The following SRGAP2 variants were observed in gnomAD, a reference collection of about 807,000 sequenced individuals.
SRGAP2 encodes the protein SLIT-ROBO Rho GTPase-activating protein 2.
A neutral mutation model predicts 57.2 loss-of-function variants in SRGAP2; 15 were observed. The observed-to-expected ratio is 0.26, with a 90% CI of 0.18 to 0.40. SRGAP2 has a LOEUF of 0.40. Among genes scored for constraint, SRGAP2 ranks in the 10% least tolerant of loss-of-function variants. The probability of loss-of-function intolerance (pLI) is 1.00; values close to 1 mark genes in which losing one functional copy is unlikely to be tolerated. For missense variants in SRGAP2, 520 were observed against 669.6 expected, an observed-to-expected ratio of 0.78 and a Z score of 2.47; for synonymous variants, 249 against 248.0, an observed-to-expected ratio of 1.00 and a Z score of -0.04.
At chr1:206,418,888 C>CTCTCTG (rs1553363092) in intron 11 of SRGAP2, among the ~76,000 whole-genome samples, 368 of 136,636 alleles carry the variant, frequency 2.7e-3, no homozygotes, top group Non-Finnish European at 4.5e-3. Flanking sequence ...CCAACTCTCT[C>CTCTCTG]TGTGTGTGTG....
chr1:206,384,408 A>G (rs1320376308), intron 5 of SRGAP2, among the ~76,000 whole-genome samples: 7 of 151,728 alleles, frequency 4.6e-5, no homozygotes, highest in African/African-American at 1.5e-4. Flanking sequence ...AACTAATGGC[A>G]AGGAACGTAG....
chr1:206,260,416 A>G (rs1331441621), intron 2 of SRGAP2, among the ~76,000 whole-genome samples: 18 of 152,214 alleles, frequency 1.2e-4, no homozygotes, highest in South Asian at 6.2e-4. Flanking sequence ...GTTGACGAGT[A>G]TTATTTCCAC....
At chr1:206,261,600 TTA>T (rs1411305796) in intron 2 of SRGAP2, among the ~76,000 whole-genome samples, 1 of 150,554 alleles carries the variant, frequency 6.6e-6, no homozygotes, top group Non-Finnish European at 1.5e-5. Flanking sequence ...ATGGTGTTTC[TTA>T]TTTACAAGGC....
rs1342053299 is a variant in SRGAP2 at position 206,364,339 on chromosome 1, G to C, written c.424-19675G>C. 1.3e-4 allele frequency among the ~76,000 whole-genome samples: 12 copies of C among 95,026 alleles called. No individual in the cohort carries two copies. In the East Asian group the frequency reaches 3.3e-3, roughly 26 times the overall value. 62.3% of individuals were successfully genotyped at this position (95,026 alleles called of 152,430 possible). ...TTTTTTGAGATGGAGTTTTGCTCTTGTTGCCCAGGCTGGAGTGCAGTGCGC... is the reference window on the plus strand; with the variant it reads ...TTTTTTGAGATGGAGTTTTGCTCTTCTTGCCCAGGCTGGAGTGCAGTGCGC... On this transcript the variant is annotated intron_variant, in intron 4 of 22. Transcript: ENST00000573034.
intron 2 of SRGAP2, among the ~76,000 whole-genome samples, chr1:206,225,333 G>T (rs1158908331): frequency 1.3e-5 from 2 of 150,356 alleles, no homozygotes; most frequent in Non-Finnish European, 2.9e-5. Flanking sequence ...GTAATCAAGA[G>T]ATACCACTAA....
chr1:206,421,106 T>C, intron 12 of SRGAP2, 144 bp from the exon 13 acceptor site: 1 of 533,440 alleles, frequency 1.9e-6, no homozygotes, highest in Non-Finnish European at 3.4e-6. Context: ...ACATGTTTCA[T>C]TGGCTACCAC....
At chr1:206,341,008 A>C (rs1553335047) in intron 3 of SRGAP2, among the ~76,000 whole-genome samples, 1 of 152,220 alleles carries the variant, frequency 6.6e-6, no homozygotes, top group Non-Finnish European at 1.5e-5. Flanking sequence ...TGGTACCTGG[A>C]TATAGGTTTA....
At chr1:206,357,148 A>G (rs1274588773) in intron 4 of SRGAP2, among the ~76,000 whole-genome samples, 1 of 146,008 alleles carries the variant, frequency 6.8e-6, no homozygotes, top group Non-Finnish European at 1.5e-5. Flanking sequence ...TCTATTTTTT[A>G]TTTCAGTTTT....
chr1:206,268,669 T>C (rs1370553288), intron 2 of SRGAP2, among the ~76,000 whole-genome samples: 5 of 143,864 alleles, frequency 3.5e-5, no homozygotes, highest in Non-Finnish European at 6.1e-5. Context: ...ACAAACCAGA[T>C]AGTAGGAGAG....
chr1:206,283,193 A>G (rs1419616080), intron 2 of SRGAP2, among the ~76,000 whole-genome samples: 1 of 151,878 alleles, frequency 6.6e-6, no homozygotes, highest in Non-Finnish European at 1.5e-5. Flanking sequence ...CAATTTCTGT[A>G]TACTCCTACA....
intron 4 of SRGAP2, among the ~76,000 whole-genome samples, chr1:206,359,796 C>CCCTTTTTTTTTTTTTTTTTTTTTTTTTTT (rs1558345475): frequency 9.6e-6 from 1 of 103,664 alleles, no homozygotes; most frequent in African/African-American, 4.7e-5. Context: ...AGGGATATTG[C>CCCTTTTTTTTTTTTTTTTTTTTTTTTTTT]TCTTTTTTTT....
At chr1:206,392,049 T>C (rs1657028680) in intron 5 of SRGAP2, among the ~76,000 whole-genome samples, 1 of 151,616 alleles carries the variant, frequency 6.6e-6, no homozygotes, top group Non-Finnish European at 1.5e-5. Context: ...AATGAGAAAA[T>C]GTGTTGTGTG....
chr1:206,236,209 TGCATCTCGATG>T (rs1667897264), intron 2 of SRGAP2, among the ~76,000 whole-genome samples: 1 of 146,884 alleles, frequency 6.8e-6, no homozygotes, highest in African/African-American at 2.5e-5. Context: ...CTTGACAGAC[TGCATCTCGATG>T]GCAGAACACT....
intron 2 of SRGAP2, among the ~76,000 whole-genome samples, chr1:206,265,393 T>A (rs1386775092): frequency 2.9e-4 from 3 of 10,458 alleles, no homozygotes; most frequent in Admixed American, 2.5e-3. Context: ...TTCATATTTG[T>A]TTTAACCAAA....
At chr1:206,239,441 G>A (rs2102542880) in intron 2 of SRGAP2, among the ~76,000 whole-genome samples, 1 of 152,082 alleles carries the variant, frequency 6.6e-6, no homozygotes, top group African/African-American at 2.4e-5. Flanking sequence ...CCCTGGCCTG[G>A]AAGTTAAAAG....
Position 206,267,158 on chromosome 1 carries a change from C to A in SRGAP2, c.68-36123C>A, listed in dbSNP as rs1195282856. Among the ~76,000 whole-genome samples the A allele has an allele frequency of 1.7e-4, 26 of 151,734 alleles. 1 individual carries two copies. The stretch of plus-strand genomic sequence containing the variant: ...TAATTTTTTGTATTTTTAGTAGAGA[C>A]GGGGTTTCACTGTGTTAGCCAGGAT... On this transcript the variant is annotated intron_variant, in intron 2 of 22. Coordinates refer to ENST00000573034, the MANE Select transcript of SRGAP2 (RefSeq NM_015326.5).
intron 14 of SRGAP2, among the ~76,000 whole-genome samples, chr1:206,432,543 A>G (rs986616708): frequency 6.6e-6 from 1 of 152,218 alleles, no homozygotes; most frequent in Non-Finnish European, 1.5e-5. Flanking sequence ...TACATAGAGG[A>G]GTGGTTGAAG....
rs1664303340 is a variant in SRGAP2 at position 206,461,942 on chromosome 1, GTC to G, written c.*526_*527del. ...ACACACACACACATATGTTTTTCTA[GTC>G]TCTGGCATGTGTAGCCTCTCCTGGT... On this transcript the variant is annotated 3_prime_UTR_variant, in exon 23 of 23. Coordinates refer to ENST00000573034, the MANE Select transcript of SRGAP2 (RefSeq NM_015326.5). The G allele has an allele frequency of 6.6e-6, 1 of 152,448 alleles. No individual in the cohort carries two copies. The highest frequency in any genetic ancestry group is 2.4e-5 in the African/African-American group (1 of 41,100). 9.4% of individuals were successfully genotyped at this position (152,448 alleles called of 1,614,324 possible).
rs1211911505 is a variant in SRGAP2, at chr1:206,452,612, G to A, written c.2180-588G>A. Among the ~76,000 whole-genome samples the A allele has an allele frequency of 5.3e-5, 8 of 152,312 alleles. No individual in the cohort carries two copies. The East Asian group carries it at 7.7e-4, about 15-fold the overall frequency. ...ACTGTAGAAAGCAGGGGATGCGGTC[G>A]GGCGCGTGGCTCACGCCTGTAATCC... On this transcript the variant is annotated intron_variant, in intron 19 of 22. Transcript: ENST00000573034.
Sources: gnomAD v4.1 joint callset for allele counts (sites outside exome capture counted in the v4.1 genomes callset) on GRCh38, gnomAD v4.1.1 for gene constraint, MANE v1.5 for transcripts, NCBI Gene and HGNC (gene_info 2026-07-23, HGNC 2026-07-21) for gene names.